GRK3: variants seen among roughly 807,000 people sequenced by gnomAD.
The protein encoded by GRK3 is adrenergic, beta, receptor kinase 2.
In GRK3, 54 loss-of-function variants were observed where a neutral mutation model predicts 95.7. That is an observed-to-expected ratio of 0.56 (90% CI 0.45 to 0.71). The LOEUF is 0.71. Among genes scored for constraint, GRK3 ranks in the 30% least tolerant of loss-of-function variants. The probability of loss-of-function intolerance (pLI) is 0.00; values close to 1 mark genes in which losing one functional copy is unlikely to be tolerated. For synonymous variants in GRK3, 281 were observed against 290.8 expected (o/e 0.97, Z 0.34); for missense variants, 649 against 851.2 (o/e 0.76, Z 2.96).
At chr22:25,594,574 A>G (rs1040105082) in intron 1 of GRK3, among the ~76,000 whole-genome samples, 2 of 152,170 alleles carry the variant, frequency 1.3e-5, no homozygotes, top group African/African-American at 2.4e-5. Context: ...AATGTGATTT[A>G]CCACATAAAA....
At chr22:25,654,470 G>C (rs1441797836) in intron 3 of GRK3, among the ~76,000 whole-genome samples, 1 of 152,042 alleles carries the variant, frequency 6.6e-6, no homozygotes, top group Admixed American at 6.6e-5. Context: ...TAGGAAGAAG[G>C]GTCAAATTAT....
chr22:25,612,192 T>C (rs1183533519), intron 2 of GRK3, among the ~76,000 whole-genome samples: 1 of 151,558 alleles, frequency 6.6e-6, no homozygotes, highest in Non-Finnish European at 1.5e-5. Flanking sequence ...TCTTCTGTTT[T>C]TCTTCTAGTA....
At chr22:25,592,536 A>C (rs1464507446) in intron 1 of GRK3, among the ~76,000 whole-genome samples, 1 of 152,108 alleles carries the variant, frequency 6.6e-6, no homozygotes, top group Non-Finnish European at 1.5e-5. Flanking sequence ...TCATGTCTAA[A>C]GTCTTTGCTT....
chr22:25,644,503 A>G, intron 2 of GRK3, 89 bp from the exon 3 acceptor site: 1 of 526,514 alleles, frequency 1.9e-6, no homozygotes. Context: ...GAAGAGGTTG[A>G]GGTATAAACA....
chr22:25,593,761 T>C (rs1486397544), intron 1 of GRK3, among the ~76,000 whole-genome samples: 1 of 152,008 alleles, frequency 6.6e-6, no homozygotes, highest in African/African-American at 2.4e-5. Flanking sequence ...TTTTTTTGCA[T>C]TTTTTGAGGA....
intron 11 of GRK3, among the ~76,000 whole-genome samples, chr22:25,689,804 A>G (rs1472160239): frequency 1.3e-5 from 2 of 152,188 alleles, no homozygotes; most frequent in Admixed American, 6.5e-5. Context: ...TGTGGTTCTC[A>G]GAAGCCCAGA....
chr22:25,615,146 G>C (rs1223246190), intron 2 of GRK3, among the ~76,000 whole-genome samples: 1 of 152,212 alleles, frequency 6.6e-6, no homozygotes, highest in African/African-American at 2.4e-5. Context: ...AAGCCTTGCT[G>C]ATCAGCCAGC....
chr22:25,707,375 T>C (rs545979862), intron 15 of GRK3, among the ~76,000 whole-genome samples: 7 of 152,302 alleles, frequency 4.6e-5, no homozygotes, highest in African/African-American at 1.7e-4. Context: ...TGCACAAGGA[T>C]ATGCTCTGAC....
chr22:25,612,366 T>G (rs2084504692), intron 2 of GRK3, among the ~76,000 whole-genome samples: 1 of 152,226 alleles, frequency 6.6e-6, no homozygotes. Flanking sequence ...TTTGATGCTA[T>G]TGTGAATGGA....
intron 2 of GRK3, among the ~76,000 whole-genome samples, chr22:25,634,602 G>C (rs780757585): frequency 2.0e-5 from 3 of 152,150 alleles, no homozygotes; most frequent in Non-Finnish European, 2.9e-5. Flanking sequence ...TTATAAGGGA[G>C]CTTATTAACA....
intron 1 of GRK3, among the ~76,000 whole-genome samples, chr22:25,570,120 G>A (rs767618469): frequency 1.8e-4 from 27 of 152,210 alleles, no homozygotes; most frequent in Non-Finnish European, 3.5e-4. Flanking sequence ...GTACTCTCCC[G>A]ATCAGCTACG....
chr22:25,722,229 C>T lies in GRK3; in HGVS notation c.1906-60C>T. 3 of 1,588,994 alleles carry T rather than the reference C, an allele frequency of 1.9e-6. No homozygotes were observed. The Admixed American group carries it at 5.0e-5, about 27-fold the overall frequency. ...GACGCTGGTAATCAATAGGGGCAGC[C>T]TCCGCTGTTGGCAAAATGGGTGAGC... On this transcript the variant is annotated intron_variant, in intron 20 of 20. Coordinates refer to ENST00000324198, the MANE Select transcript of GRK3 (RefSeq NM_005160.4).
chr22:25,657,327 T>G (rs911637675), intron 3 of GRK3, among the ~76,000 whole-genome samples: 2 of 152,222 alleles, frequency 1.3e-5, no homozygotes, highest in Admixed American at 6.5e-5. Flanking sequence ...GTCTGTTTCT[T>G]CTTTTATTTT....
In GRK3 at chr22:25,645,900, G is replaced by A. The variant is rs538323550; in HGVS notation, c.264+1235G>A. Among the ~76,000 whole-genome samples the A allele has an allele frequency of 3.3e-5, 5 of 150,118 alleles. No individual in the cohort carries two copies. In the South Asian group the frequency reaches 8.4e-4, roughly 25 times the overall value. ...GGCACCACTGCACTCCAGCCTGGGC[G>A]ACAGAGCGAGACTCCATCTCAAAAA... On this transcript the variant is annotated intron_variant, in intron 3 of 20. Transcript: ENST00000324198.
chr22:25,679,580 C>A (rs1044632815), intron 9 of GRK3, among the ~76,000 whole-genome samples: 2 of 152,052 alleles, frequency 1.3e-5, no homozygotes, highest in East Asian at 3.8e-4. Flanking sequence ...ATGGTATTAC[C>A]CAAGATCAAA....
At chr22:25,651,172 T>C in intron 3 of GRK3, among the ~76,000 whole-genome samples, 1 of 152,052 alleles carries the variant, frequency 6.6e-6, no homozygotes, top group East Asian at 1.9e-4. Flanking sequence ...AAATACAAAT[T>C]TGAATAGCAG....
At chr22:25,639,800 G>A (rs2084729796) in intron 2 of GRK3, among the ~76,000 whole-genome samples, 1 of 152,138 alleles carries the variant, frequency 6.6e-6, no homozygotes, top group Non-Finnish European at 1.5e-5. Context: ...TCCATGAACT[G>A]AGTATGTATT....
intron 3 of GRK3, chr22:25,648,279 A>ACCAGAGAACAACTT (rs2084801480): frequency 1.1e-6 from 1 of 874,066 alleles, no homozygotes; most frequent in South Asian, 1.3e-5. Flanking sequence ...CTATATCACA[A>ACCAGAGAACAACTT]CCAGAGAACA....
intron 13 of GRK3, among the ~76,000 whole-genome samples, chr22:25,699,156 G>A (rs753114237): frequency 6.6e-6 from 1 of 152,100 alleles, no homozygotes; most frequent in Non-Finnish European, 1.5e-5. Flanking sequence ...AGGGGATAAT[G>A]CCACCTGTTC....
Sources: allele counts gnomAD v4.1 joint callset (sites outside exome capture counted in the v4.1 genomes callset), GRCh38; gene constraint gnomAD v4.1.1; transcripts MANE v1.5; gene names NCBI Gene and HGNC (gene_info 2026-07-23, HGNC 2026-07-21).